SHANK2: variants seen among roughly 807,000 people sequenced by gnomAD.
SHANK2 encodes the protein SH3 and multiple ankyrin repeat domains protein 2.
Under a neutral mutation model 133.7 loss-of-function variants are expected in SHANK2, and 43 were observed. That is an observed-to-expected ratio of 0.32 (90% CI 0.25 to 0.41). The LOEUF (loss-of-function observed/expected upper bound fraction) is 0.41, where lower values mean the gene tolerates loss of function less well. Ranked by LOEUF, SHANK2 falls within the 10% of genes least tolerant of loss-of-function variation. The probability of loss-of-function intolerance (pLI) is 1.00; values close to 1 mark genes in which losing one functional copy is unlikely to be tolerated. For missense variants in SHANK2, 1,994 were observed against 2,235.8 expected (o/e 0.89, Z 2.18); for synonymous variants, 1,017 against 952.8 (o/e 1.07, Z -1.24).
At chr11:70,831,962 G>A (rs1268951754) in intron 11 of SHANK2, among the ~76,000 whole-genome samples, 1 of 152,250 alleles carries the variant, frequency 6.6e-6, no homozygotes, top group African/African-American at 2.4e-5. Context: ...CATCTGTAAA[G>A]TAGGAATAGC....
intron 16 of SHANK2, 106 bp downstream of exon 16, chr11:70,661,490 T>C (rs887377732): frequency 1.8e-6 from 2 of 1,136,122 alleles, no homozygotes; most frequent in African/African-American, 1.6e-5. Flanking sequence ...ACGTTTTTCA[T>C]GCAGGCGTAT....
At position 70,487,034 on chromosome 11, in the gene SHANK2, G is replaced by A; in HGVS notation, c.3259C>T (p.Arg1087Cys). ...GCTTCCAGCCGCTTCTCACGGTCGC[G>A]GACGGCTCCGGCGATGGCGGCGGCA... ...PFAAAIAGAV[R>C]DREKRLEARR... Residue 1087 changes from arginine (R) to cysteine (C), a missense_variant, in exon 25 of 26, where the codon CGC (arginine) becomes TGC (cysteine). By Grantham distance (180) the Arg-to-Cys change is radical. Around this residue, in one of 5 missense-constraint regions of SHANK2, gnomAD observed 488 missense variants for 642.6 expected, o/e 0.76. Transcript: ENST00000601538. This position sits in a 1 kb window ranked among gnomAD's most constrained non-coding sequence, Gnocchi z 5.8. 2 of 1,609,146 alleles carry A rather than the reference G, an allele frequency of 1.2e-6. No homozygotes were observed. The highest frequency in any genetic ancestry group is 2.2e-5 in the South Asian group (2 of 91,056).
Position 71,191,401 on chromosome 11 carries a change from G to A in SHANK2, c.-13+33296C>T, listed in dbSNP as rs142304077. 1.2e-3 allele frequency among the ~76,000 whole-genome samples: 185 copies of A among 152,096 alleles called. 2 individuals are homozygous for A. In the East Asian group the frequency reaches 0.027, roughly 22 times the overall value. On this transcript the variant is annotated intron_variant, in intron 2 of 25. Transcript: ENST00000601538. ...TCTCACATCCCAGAGGCTGGAGTCC[G>A]CACAGGGCTGGGTCCTCCTGAGGCC...
intron 15 of SHANK2, 111 bp downstream of exon 15, chr11:70,698,577 G>T (rs765997311): frequency 2.8e-6 from 2 of 705,868 alleles, no homozygotes; most frequent in Non-Finnish European, 5.2e-6. Flanking sequence ...CAGGCACAGG[G>T]AGGCAGACAC....
At chr11:70,537,549 G>A (rs1397078076) in intron 17 of SHANK2, among the ~76,000 whole-genome samples, 2 of 152,142 alleles carry the variant, frequency 1.3e-5, no homozygotes, top group African/African-American at 4.8e-5. Flanking sequence ...CCTCCTCCCC[G>A]GAGTCTTGGG....
intron 2 of SHANK2, among the ~76,000 whole-genome samples, chr11:71,200,067 C>T (rs11232512): frequency 0.059 from 8,913 of 152,208 alleles, 721 homozygotes; most frequent in African/African-American, 0.18. Context: ...TAACCATCAC[C>T]ACTATCTAAC....
At chr11:70,889,688 G>A (rs1388241058) in intron 11 of SHANK2, among the ~76,000 whole-genome samples, 2 of 152,240 alleles carry the variant, frequency 1.3e-5, no homozygotes, top group South Asian at 4.1e-4. Context: ...AAGGGACTCA[G>A]ATGCACCCCA....
intron 11 of SHANK2, chr11:70,863,972 T>C (rs1261915735): frequency 7.3e-6 from 3 of 409,350 alleles, no homozygotes; most frequent in East Asian, 7.1e-5. Context: ...CAGTTTTTGA[T>C]ACTTTCTTAT....
intron 9 of SHANK2, among the ~76,000 whole-genome samples, chr11:71,070,769 T>C (rs924899653): frequency 7.9e-5 from 12 of 152,168 alleles, no homozygotes; most frequent in African/African-American, 2.9e-4. Context: ...GTTGAATCGT[T>C]ATGACGGAGT....
At chr11:71,067,739 T>C (rs1386272411) in intron 9 of SHANK2, among the ~76,000 whole-genome samples, 1 of 151,732 alleles carries the variant, frequency 6.6e-6, no homozygotes, top group Non-Finnish European at 1.5e-5. Context: ...AATGAGACCA[T>C]CGTCACTATC....
chr11:70,798,180 T>C (rs2135220242), intron 14 of SHANK2, among the ~76,000 whole-genome samples: 1 of 152,294 alleles, frequency 6.6e-6, no homozygotes, highest in East Asian at 1.9e-4. Context: ...GGCTAGAACA[T>C]ACGGTCCAGG....
chr11:70,517,387 C>T (rs781861603), intron 17 of SHANK2, among the ~76,000 whole-genome samples: 45 of 152,198 alleles, frequency 3.0e-4, no homozygotes, highest in Non-Finnish European at 5.9e-5. Flanking sequence ...GAGTTGAGAA[C>T]AGGTTCATAC....
chr11:70,662,021 G>A (rs1481927080), intron 15 of SHANK2: 1 of 559,154 alleles, frequency 1.8e-6, no homozygotes, highest in Non-Finnish European at 3.2e-6. Context: ...CCAGGGCAAA[G>A]AAAGTAAGTG....
intron 3 of SHANK2, among the ~76,000 whole-genome samples, 158 bp downstream of exon 3, chr11:71,146,962 T>G (rs1396461090): frequency 8.7e-5 from 13 of 149,146 alleles, no homozygotes; most frequent in African/African-American, 2.7e-4. Flanking sequence ...GCAGGGAGCC[T>G]GGGGGGACGG....
At chr11:70,912,550 C>T (rs561626151) in intron 10 of SHANK2, among the ~76,000 whole-genome samples, 18 of 152,254 alleles carry the variant, frequency 1.2e-4, no homozygotes, top group African/African-American at 3.9e-4. Flanking sequence ...TAAGAAGTGC[C>T]GTTTGCCTCC....
intron 4 of SHANK2, among the ~76,000 whole-genome samples, chr11:71,115,384 G>T (rs1331911208): frequency 2.0e-5 from 3 of 152,090 alleles, no homozygotes; most frequent in African/African-American, 7.2e-5. Context: ...CACAAGAATC[G>T]CTTGAACCCA....
intron 21 of SHANK2, among the ~76,000 whole-genome samples, chr11:70,496,035 CGGAGGTGAG>C (rs2058965394): frequency 6.6e-6 from 1 of 152,086 alleles, no homozygotes; most frequent in African/African-American, 2.4e-5. Context: ...GGCTGAATAG[CGGAGGTGAG>C]GGAAAGTCAT....
chr11:70,641,601 C>G (rs1393479875), intron 17 of SHANK2, among the ~76,000 whole-genome samples: 1 of 152,182 alleles, frequency 6.6e-6, no homozygotes, highest in Non-Finnish European at 1.5e-5. Flanking sequence ...TCTCTTCTGC[C>G]AGCCAGAGGC....
At chr11:70,636,352 C>A (rs1291055987) in intron 17 of SHANK2, among the ~76,000 whole-genome samples, 2 of 151,450 alleles carry the variant, frequency 1.3e-5, no homozygotes, top group African/African-American at 2.4e-5. Context: ...CGTGTTAGTA[C>A]ATGTGCATAT....
Sources: allele counts gnomAD v4.1 joint callset (sites outside exome capture counted in the v4.1 genomes callset), GRCh38; gene constraint gnomAD v4.1.1; regional missense constraint gnomAD v4.1.1; non-coding constraint Gnocchi (gnomAD v3.1); transcripts MANE v1.5; gene names NCBI Gene and HGNC (gene_info 2026-07-23, HGNC 2026-07-21).